RBFOX1: variants seen among roughly 807,000 people sequenced by gnomAD.
The protein encoded by RBFOX1 is RNA binding fox-1 homolog 1, also known as RNA binding protein fox-1 homolog 1.
RBFOX1 carries 8 observed loss-of-function variants against 57.7 expected under a neutral mutation model. The ratio of observed to expected loss-of-function variants is 0.14; its 90% confidence interval spans 0.08 to 0.25. RBFOX1 has a LOEUF of 0.25. RBFOX1 is among the 10% of genes least tolerant of loss of function. The pLI is 1.00. For synonymous variants in RBFOX1, 326 were observed against 222.4 expected (o/e 1.47, Z -4.15); for missense variants, 611 against 548.5 (o/e 1.11, Z -1.14).
chr16:7,438,610 AG>A (rs1200748870), intron 4 of RBFOX1, among the ~76,000 whole-genome samples: 1 of 152,210 alleles, frequency 6.6e-6, no homozygotes, highest in Non-Finnish European at 1.5e-5. Flanking sequence ...GTCTGCATTT[AG>A]CCATTGAAAA....
intron 3 of RBFOX1, among the ~76,000 whole-genome samples, chr16:6,796,057 T>A (rs1333453743): frequency 6.7e-6 from 1 of 149,686 alleles, no homozygotes; most frequent in African/African-American, 2.6e-5. Context: ...GATTGGGCAA[T>A]TTACAAAAGA....
At chr16:5,673,759 G>A (rs1057235303) in intron 3 of RBFOX1, among the ~76,000 whole-genome samples, 3 of 152,072 alleles carry the variant, frequency 2.0e-5, no homozygotes, top group Non-Finnish European at 4.4e-5. Flanking sequence ...TTACAAATAC[G>A]TATACACATG....
chr16:6,160,535 C>T (rs1026179009), intron 1 of RBFOX1, among the ~76,000 whole-genome samples: 1 of 152,184 alleles, frequency 6.6e-6, no homozygotes, highest in African/African-American at 2.4e-5. Context: ...TCATTACCAC[C>T]AGAGCCTCAT....
At chr16:6,399,619 C>G (rs2092986883) in intron 2 of RBFOX1, among the ~76,000 whole-genome samples, 1 of 152,232 alleles carries the variant, frequency 6.6e-6, no homozygotes. Flanking sequence ...GCCCTCCAAA[C>G]TGTTCCAACC....
rs74004337 is a variant in RBFOX1 at position 5,498,803 on chromosome 16, C to T, written c.258+31549C>T. 9.6e-3 allele frequency among the ~76,000 whole-genome samples: 1,458 copies of T among 152,360 alleles called. 28 individuals carry two copies. Among genetic ancestry groups the T allele is most frequent in the African/African-American group, 0.034 (1,397 of 41,588 alleles). ...TTTGCGTCTGGGCCTTCATGCCCTG[C>T]ACCCATCACTCCCTCCCCTCCTATT... On this transcript the variant is annotated intron_variant, in intron 2 of 2. Transcript: ENST00000585867.
intron 4 of RBFOX1, among the ~76,000 whole-genome samples, chr16:7,331,017 A>C (rs2096685019): frequency 6.6e-6 from 1 of 152,146 alleles, no homozygotes; most frequent in African/African-American, 2.4e-5. Context: ...GAATTGTACA[A>C]CGTGGCCACT....
chr16:6,546,599 G>A (rs1183898030), intron 2 of RBFOX1, among the ~76,000 whole-genome samples: 3 of 152,124 alleles, frequency 2.0e-5, no homozygotes, highest in African/African-American at 7.2e-5. Flanking sequence ...TTCTGTCTGT[G>A]TCTGTCTTTG....
At chr16:5,977,834 C>G (rs1251461598) in intron 4 of RBFOX1, among the ~76,000 whole-genome samples, 1 of 152,074 alleles carries the variant, frequency 6.6e-6, no homozygotes, top group Non-Finnish European at 1.5e-5. Context: ...GTTTTCTACT[C>G]AAAAAGCCTT....
intron 3 of RBFOX1, among the ~76,000 whole-genome samples, chr16:5,697,718 G>C (rs2050893831): frequency 6.6e-6 from 1 of 151,892 alleles, no homozygotes; most frequent in Non-Finnish European, 1.5e-5. Flanking sequence ...ATTTTTAGTA[G>C]AGAAGGGTTA....
chr16:7,639,183 C>T lies in RBFOX1; in HGVS notation c.757+8500C>T, dbSNP rs927209581. Among the ~76,000 whole-genome samples the T allele has an allele frequency of 2.6e-5, 4 of 152,148 alleles. No individual in the cohort carries two copies. In the South Asian group the frequency reaches 8.3e-4, roughly 32 times the overall value. On this transcript the variant is annotated intron_variant, in intron 11 of 15. Coordinates refer to ENST00000550418, the MANE Select transcript of RBFOX1 (RefSeq NM_018723.4). The stretch of plus-strand genomic sequence containing the variant: ...TAATTCTACTGACATTAGTCTAAGA[C>T]CTGCCCCAGTTTCCTTGGGCAAAAT...
intron 1 of RBFOX1, among the ~76,000 whole-genome samples, chr16:5,385,921 A>G (rs561371549): frequency 6.6e-6 from 1 of 152,226 alleles, no homozygotes; most frequent in East Asian, 1.9e-4. Flanking sequence ...GTGTGGATAA[A>G]TCTGCGTTCC....
intron 1 of RBFOX1, among the ~76,000 whole-genome samples, chr16:6,258,305 A>G (rs1304252055): frequency 6.6e-6 from 1 of 151,984 alleles, no homozygotes; most frequent in African/African-American, 2.4e-5. Context: ...GCTTGAAGCT[A>G]CAATGACAGC....
At chr16:7,464,728 G>T (rs1288382512) in intron 4 of RBFOX1, among the ~76,000 whole-genome samples, 2 of 103,602 alleles carry the variant, frequency 1.9e-5, no homozygotes, top group East Asian at 6.5e-4. Context: ...ACAGAGTCTT[G>T]CTCTGTCGCC....
At chr16:7,451,653 T>A (rs1199316792) in intron 4 of RBFOX1, among the ~76,000 whole-genome samples, 1 of 152,174 alleles carries the variant, frequency 6.6e-6, no homozygotes, top group Non-Finnish European at 1.5e-5. Flanking sequence ...AACCTACCTG[T>A]CTTTAAATGA....
At chr16:6,670,948 C>T (rs1009042932) in intron 3 of RBFOX1, among the ~76,000 whole-genome samples, 1 of 152,004 alleles carries the variant, frequency 6.6e-6, no homozygotes, top group Admixed American at 6.6e-5. Context: ...TGCAGCGAGC[C>T]GAGATCGTGC....
At chr16:6,073,056 G>T (rs1036089943) in intron 1 of RBFOX1, among the ~76,000 whole-genome samples, 1 of 152,184 alleles carries the variant, frequency 6.6e-6, no homozygotes, top group African/African-American at 2.4e-5. Context: ...GACACATTTT[G>T]TGACTAGTTA....
intron 2 of RBFOX1, among the ~76,000 whole-genome samples, chr16:6,417,012 C>T (rs1200616214): frequency 6.6e-6 from 1 of 151,774 alleles, no homozygotes; most frequent in Non-Finnish European, 1.5e-5. Context: ...ATTCCTCTTT[C>T]TTTCTTTTTA....
At chr16:5,366,463 C>T in intron 1 of RBFOX1, 1 of 439,134 alleles carries the variant, frequency 2.3e-6, no homozygotes, top group South Asian at 1.8e-5. Context: ...ATCATCAACA[C>T]CAAGATCAAA....
At chr16:6,935,645 T>G (rs931586986) in intron 3 of RBFOX1, among the ~76,000 whole-genome samples, 1 of 152,240 alleles carries the variant, frequency 6.6e-6, no homozygotes, top group Admixed American at 6.5e-5. Context: ...CATACTTTGC[T>G]GACATCTTAT....
Sources: allele counts gnomAD v4.1 joint callset (sites outside exome capture counted in the v4.1 genomes callset), GRCh38; gene constraint gnomAD v4.1.1; transcripts MANE v1.5; gene names NCBI Gene and HGNC (gene_info 2026-07-23, HGNC 2026-07-21).